Variants in RASAL2 observed in about 807,000 individuals in gnomAD.
RASAL2 encodes the protein ras GTPase-activating protein nGAP.
A neutral mutation model predicts 128.9 loss-of-function variants in RASAL2; 58 were observed. The observed-to-expected ratio is 0.45, with a 90% CI of 0.36 to 0.56. The LOEUF (loss-of-function observed/expected upper bound fraction) is 0.56, where lower values mean the gene tolerates loss of function less well. Among genes scored for constraint, RASAL2 ranks in the 20% least tolerant of loss-of-function variants. RASAL2 has a pLI of 0.00. For synonymous variants in RASAL2, 561 were observed against 580.8 expected (o/e 0.97, Z 0.49); for missense variants, 1,360 against 1,601.6 (o/e 0.85, Z 2.57).
intron 1 of RASAL2, among the ~76,000 whole-genome samples, chr1:178,111,895 A>T (rs1008323801): frequency 2.0e-5 from 3 of 151,954 alleles, no homozygotes; most frequent in African/African-American, 7.3e-5. Flanking sequence ...ATGCCTGGCT[A>T]ATTTTTGTAT....
chr1:178,193,786 T>TG (rs5778980), intron 1 of RASAL2, among the ~76,000 whole-genome samples: 144,385 of 152,186 alleles, frequency 0.95, 68,936 homozygotes, highest in East Asian at 1. Context: ...GAATTTTTTT[T>TG]GGTGAATATA....
intron 1 of RASAL2, among the ~76,000 whole-genome samples, chr1:178,108,769 G>A (rs1000446697): frequency 3.3e-5 from 5 of 152,162 alleles, no homozygotes; most frequent in African/African-American, 1.2e-4. Flanking sequence ...TTAGCACCAT[G>A]ACTATAAAAT....
intron 1 of RASAL2, among the ~76,000 whole-genome samples, chr1:178,240,924 T>C (rs1271103623): frequency 2.0e-5 from 3 of 151,500 alleles, no homozygotes; most frequent in Admixed American, 6.6e-5. Context: ...ATTTTATTTA[T>C]ACATATTTTT....
At chr1:178,445,063 A>G (rs1676905745) in intron 8 of RASAL2, among the ~76,000 whole-genome samples, 1 of 151,886 alleles carries the variant, frequency 6.6e-6, no homozygotes, top group Non-Finnish European at 1.5e-5. Flanking sequence ...CTAAAATCCA[A>G]AGGATCCCAG....
At chr1:178,368,819 G>A (rs541595210) in intron 3 of RASAL2, among the ~76,000 whole-genome samples, 9 of 151,760 alleles carry the variant, frequency 5.9e-5, no homozygotes, top group Admixed American at 1.3e-4. Flanking sequence ...TGCATTTTTC[G>A]TAGAAGTGGG....
chr1:178,390,672 C>G (rs748884380), intron 4 of RASAL2, among the ~76,000 whole-genome samples: 1 of 152,162 alleles, frequency 6.6e-6, no homozygotes, highest in Middle Eastern at 3.2e-3. Context: ...AGCCACCATG[C>G]CCAGCCGTCC....
intron 1 of RASAL2, among the ~76,000 whole-genome samples, chr1:178,163,236 G>T (rs940486047): frequency 5.9e-5 from 9 of 152,164 alleles, no homozygotes; most frequent in Admixed American, 5.2e-4. Flanking sequence ...AAAATGCTGG[G>T]ATTACAGGCA....
intron 2 of RASAL2, among the ~76,000 whole-genome samples, chr1:178,299,386 TTGTG>T (rs1271769437): frequency 2.0e-5 from 3 of 152,196 alleles, no homozygotes; most frequent in Non-Finnish European, 2.9e-5. Context: ...AACATTTTAT[TTGTG>T]TGGGTGTTTT....
chr1:178,302,467 T>C (rs537960403), intron 3 of RASAL2, among the ~76,000 whole-genome samples: 1 of 152,286 alleles, frequency 6.6e-6, no homozygotes, highest in East Asian at 1.9e-4. Flanking sequence ...GACTTCTACA[T>C]AGAGAACTTT....
intron 1 of RASAL2, among the ~76,000 whole-genome samples, chr1:178,143,705 G>T (rs1233896073): frequency 6.6e-6 from 1 of 151,602 alleles, no homozygotes; most frequent in Non-Finnish European, 1.5e-5. Context: ...ACTGGGATTG[G>T]GAAGTGGGGG....
chr1:178,468,993 G>C (rs975556230), intron 17 of RASAL2, among the ~76,000 whole-genome samples: 27 of 152,176 alleles, frequency 1.8e-4, no homozygotes, highest in Admixed American at 1.2e-3. Context: ...AATAATTTCA[G>C]CTGGTTTAAA....
At chr1:178,291,128 G>A (rs1402436245) in intron 2 of RASAL2, among the ~76,000 whole-genome samples, 1 of 152,100 alleles carries the variant, frequency 6.6e-6, no homozygotes, top group African/African-American at 2.4e-5. Flanking sequence ...GGGCTCATGA[G>A]GAGAAAAAGA....
chr1:178,124,267 T>C (rs1367991491), intron 1 of RASAL2, among the ~76,000 whole-genome samples: 1 of 152,140 alleles, frequency 6.6e-6, no homozygotes, highest in Non-Finnish European at 1.5e-5. Flanking sequence ...CCTAGGGGAA[T>C]TTTGCCCTCC....
intron 17 of RASAL2, among the ~76,000 whole-genome samples, chr1:178,470,251 A>C (rs1205425541): frequency 6.6e-6 from 1 of 152,202 alleles, no homozygotes; most frequent in Non-Finnish European, 1.5e-5. Context: ...ACACTTCCCA[A>C]AACACTACCA....
At chr1:178,166,498 T>C (rs1198244230) in intron 1 of RASAL2, among the ~76,000 whole-genome samples, 3 of 152,214 alleles carry the variant, frequency 2.0e-5, no homozygotes, top group Admixed American at 6.5e-5. Context: ...AATAAACTTA[T>C]GTGAGTAAAT....
intron 1 of RASAL2, among the ~76,000 whole-genome samples, chr1:178,131,847 A>G (rs1027095420): frequency 6.6e-6 from 1 of 152,156 alleles, no homozygotes; most frequent in African/African-American, 2.4e-5. Flanking sequence ...TTAACTTGAC[A>G]TGTTTATAAA....
At chr1:178,428,989 A>G (rs895095202) in intron 5 of RASAL2, among the ~76,000 whole-genome samples, 3 of 152,288 alleles carry the variant, frequency 2.0e-5, no homozygotes, top group East Asian at 3.9e-4. Flanking sequence ...TTAGCCTTCC[A>G]TAATGCTCAC....
Position 178,464,384 on chromosome 1 carries a change from A to G in RASAL2, c.3359A>G (p.Asn1120Ser). Reference sequence around the variant, plus strand: ...GAGGATGTGGAAGAAACTGAGCAAAATCTAGATGAAGCCAAGCATGCTGAG... The same window carrying G: ...GAGGATGTGGAAGAAACTGAGCAAAGTCTAGATGAAGCCAAGCATGCTGAG... The part of the protein sequence containing the change: ...YEEDVEETEQ[N>S]LDEAKHAEKY... Residue 1120 changes from asparagine to serine, a missense_variant, in exon 15 of 18, where the codon AAT becomes AGT. Asn to Ser is a conservative substitution (Grantham distance 46). Transcript: ENST00000367649. 1 of 1,613,774 alleles carries G rather than the reference A, an allele frequency of 6.2e-7. No individual in the cohort carries two copies. The highest frequency in any genetic ancestry group is 2.2e-5 in the East Asian group (1 of 44,866).
intron 3 of RASAL2, among the ~76,000 whole-genome samples, chr1:178,330,985 T>C (rs993627380): frequency 2.6e-5 from 4 of 152,212 alleles, no homozygotes; most frequent in Non-Finnish European, 4.4e-5. Context: ...ATAAGGTGGG[T>C]ACTGTTATTA....
Sources: gnomAD v4.1 joint callset for allele counts (sites outside exome capture counted in the v4.1 genomes callset) on GRCh38, gnomAD v4.1.1 for gene constraint, MANE v1.5 for transcripts, NCBI Gene and HGNC (gene_info 2026-07-23, HGNC 2026-07-21) for gene names.